TARBP1: variants seen among roughly 807,000 people sequenced by gnomAD.
The protein encoded by TARBP1 is tRNA (guanosine(18)-2'-O)-methyltransferase TARBP1.
TARBP1 carries 144 observed loss-of-function variants against 178.6 expected under a neutral mutation model. The ratio of observed to expected loss-of-function variants is 0.81; its 90% CI spans 0.70 to 0.93. TARBP1 has a LOEUF of 0.93. Among genes scored for constraint, TARBP1 ranks in the 40% least tolerant of loss-of-function variants. The pLI is 0.00. For missense variants in TARBP1, 2,067 were observed against 2,011.7 expected (o/e 1.03, Z -0.53); for synonymous variants, 787 against 781.0 (o/e 1.01, Z -0.13).
At chr1:234,418,856 T>G (rs1662727922) in intron 21 of TARBP1, among the ~76,000 whole-genome samples, 1 of 152,172 alleles carries the variant, frequency 6.6e-6, no homozygotes, top group South Asian at 2.1e-4. Flanking sequence ...AAAAACAATA[T>G]CTACTTATAT....
At position 234,448,582 on chromosome 1, in the gene TARBP1, T is replaced by C. The variant is rs1666419714; in HGVS notation, c.1862-3A>G. 1 of 1,612,588 alleles carries C rather than the reference T, an allele frequency of 6.2e-7. No homozygotes were observed. Among genetic ancestry groups the C allele is most frequent in the East Asian group, 2.2e-5 (1 of 44,846 alleles). On this transcript the variant is annotated splice_polypyrimidine_tract_variant and splice_region_variant and intron_variant, in intron 10 of 29. Coordinates refer to ENST00000040877, the MANE Select transcript of TARBP1 (RefSeq NM_005646.4). ...AGGCATAAAGCAGTTTTCTCCTGCT[T>C]AAATAACAACAGTTAAGGTTTGCAA...
In TARBP1 at chr1:234,450,451, T is replaced by C. The variant is rs1023705809; in HGVS notation, c.1838A>G (p.Tyr613Cys). The C allele has an allele frequency of 1.9e-6, 3 of 1,598,634 alleles. No homozygotes were observed. The South Asian group carries it at 3.4e-5, about 18-fold the overall frequency. Residue 613 changes from tyrosine to cysteine, a missense_variant, in exon 10 of 30, where the codon TAT becomes TGT. Transcript: ENST00000040877. ...NAYVKSIVQE[Y>C]VKSSAWETGE... is the part of the protein sequence containing the mutation. ...ACTTTCCCAAGCAGATGACTTAACA[T>C]ACTCTTGAACAATGCTCTTTACATA...
At chr1:234,398,302 T>A (rs1660342531) in intron 26 of TARBP1, 80 bp downstream of exon 26, 2 of 1,218,118 alleles carry the variant, frequency 1.6e-6, no homozygotes, top group Non-Finnish European at 2.2e-6. Context: ...TATTATTAAC[T>A]ACCTGTCCTT....
intron 9 of TARBP1, among the ~76,000 whole-genome samples, chr1:234,453,503 CTTTGT>C (rs1183600225): frequency 6.6e-6 from 1 of 151,628 alleles, no homozygotes; most frequent in East Asian, 1.9e-4. Flanking sequence ...ACTCTCTGCA[CTTTGT>C]TTAATTTTTC....
chr1:234,442,280 CTG>C (rs1297332490), intron 12 of TARBP1, among the ~76,000 whole-genome samples: 1 of 152,156 alleles, frequency 6.6e-6, no homozygotes, highest in Non-Finnish European at 1.5e-5. Context: ...GCAAAAGACA[CTG>C]TTGAGAAAAT....
chr1:234,427,511 T>C, intron 18 of TARBP1, 65 bp downstream of exon 18: 1 of 1,490,326 alleles, frequency 6.7e-7, no homozygotes, highest in Non-Finnish European at 9.0e-7. Flanking sequence ...AACAAAGACA[T>C]AATTCTATAC....
In TARBP1 at chr1:234,427,736, T is replaced by G; in HGVS notation, c.3091A>C (p.Ile1031Leu). The change falls in exon 18 of 30, where the codon ATA becomes CTA. Residue 1031 changes from isoleucine to leucine, a missense_variant. Ile to Leu is a conservative substitution (Grantham distance 5). Transcript: ENST00000040877. ...IMYKIIEMSA[I>L]KTGVFNTLIS... is the part of the protein sequence containing the mutation. ...AGTGTATTGAAGACTCCAGTCTTTA[T>G]AGCAGACATTTCAATTATCTTGTAC... The G allele has an allele frequency of 2.1e-6, 3 of 1,460,434 alleles. No homozygotes were observed. Among genetic ancestry groups the G allele is most frequent in the East Asian group, 2.6e-5 (1 of 39,092 alleles). The allele number at this position is 1,460,434 out of a possible 1,614,324, so 90.5% of individuals were successfully genotyped here.
At chr1:234,418,936 G>T (rs1181393859) in intron 21 of TARBP1, among the ~76,000 whole-genome samples, 1 of 152,212 alleles carries the variant, frequency 6.6e-6, no homozygotes, top group East Asian at 1.9e-4. Context: ...ACTTTGGGAG[G>T]CCGAGGCGGG....
At chr1:234,426,459 C>G (rs1311781798) in intron 19 of TARBP1, among the ~76,000 whole-genome samples, 1 of 152,056 alleles carries the variant, frequency 6.6e-6, no homozygotes, top group Non-Finnish European at 1.5e-5. Flanking sequence ...TATTGCCACA[C>G]TAAGCCAGCC....
At chr1:234,450,760 A>G (rs1344133367) in intron 9 of TARBP1, among the ~76,000 whole-genome samples, 194 bp from the exon 10 acceptor site, 1 of 149,412 alleles carries the variant, frequency 6.7e-6, no homozygotes. Context: ...ATATATATTT[A>G]TGTATGCGTA....
intron 6 of TARBP1, 128 bp from the exon 7 acceptor site, chr1:234,460,524 G>C: frequency 1.1e-6 from 1 of 936,882 alleles, no homozygotes; most frequent in Non-Finnish European, 1.6e-6. Flanking sequence ...CACTATGATG[G>C]CTATAATCTA....
chr1:234,425,008 C>A (rs573036952), intron 20 of TARBP1, among the ~76,000 whole-genome samples: 1 of 152,008 alleles, frequency 6.6e-6, no homozygotes, highest in East Asian at 1.9e-4. Context: ...TTGCAATGAG[C>A]CAAGATCGCA....
At chr1:234,468,415 C>T (rs1367749400) in intron 3 of TARBP1, among the ~76,000 whole-genome samples, 2 of 152,054 alleles carry the variant, frequency 1.3e-5, no homozygotes, top group East Asian at 3.9e-4. Context: ...TTAGAGTGAG[C>T]CCAGGCCCCG....
At chr1:234,476,345 C>CA (rs1669567540) in intron 1 of TARBP1, among the ~76,000 whole-genome samples, 1 of 152,024 alleles carries the variant, frequency 6.6e-6, no homozygotes, top group African/African-American at 2.4e-5. Flanking sequence ...GTGAGTAAAG[C>CA]AAAAAAGAGG....
rs1314762028 is a variant in TARBP1, at chr1:234,479,086, C to T, written c.18G>A (p.Ala6=). 3.9e-6 allele frequency: 6 copies of T among 1,538,386 alleles called. No individual in the cohort carries two copies. Among genetic ancestry groups the T allele is most frequent in the Admixed American group, 2.0e-5 (1 of 51,162 alleles). MEWVL[A]EALLSQSRDP... is the part of the protein sequence containing the mutation. Reference sequence around the variant, plus strand: ...CCCGGCTCTGCGAGAGCAGCGCTTCCGCGAGCACCCACTCCATTTGCCGAG... The same window carrying T: ...CCCGGCTCTGCGAGAGCAGCGCTTCTGCGAGCACCCACTCCATTTGCCGAG... Residue 6 remains alanine (A), a synonymous_variant, in exon 1 of 30, where the codon GCG becomes GCA. Coordinates refer to ENST00000040877, the MANE Select transcript of TARBP1 (RefSeq NM_005646.4).
rs753109789 is a variant in TARBP1 at position 234,433,444 on chromosome 1, G to T, written c.2360C>A (p.Ser787Tyr). Residue 787 changes from serine to tyrosine, a missense_variant, in exon 14 of 30, where the codon TCC becomes TAC. Coordinates refer to ENST00000040877, the MANE Select transcript of TARBP1 (RefSeq NM_005646.4). ...WRVISLLKNA[S>Y]IQHLQEMDSG... ...GTCCATCTCTTGAAGATGCTGAATG[G>T]ATGCATTTTTCAAAAGAGAAATAAC... is the stretch of plus-strand genomic sequence containing the variant. 6.2e-7 allele frequency: 1 copy of T among 1,613,990 alleles called. No individual in the cohort carries two copies. The highest frequency in any genetic ancestry group is 8.5e-7 in the Non-Finnish European group (1 of 1,179,990).
rs150679285 is a variant in TARBP1, at chr1:234,430,206, C to T, written c.2490G>A (p.Leu830=). ...EAIDQKPELQ[L]DSLHAGPLES... is the part of the protein sequence containing the mutation. The stretch of plus-strand genomic sequence containing the variant: ...CCAGGGGCCCAGCATGGAGAGAGTC[C>T]AGCTGCAGCTCAGGCTTCTGGTCTA... The change falls in exon 15 of 30, where the codon CTG becomes CTA. Residue 830 remains leucine, a synonymous_variant. Transcript: ENST00000040877. 5.5e-5 allele frequency: 88 copies of T among 1,614,220 alleles called. No homozygotes were observed. In the African/African-American group the frequency reaches 1.1e-3, roughly 20 times the overall value.
intron 22 of TARBP1, among the ~76,000 whole-genome samples, chr1:234,410,944 C>T (rs1661746380): frequency 6.6e-6 from 1 of 152,154 alleles, no homozygotes; most frequent in South Asian, 2.1e-4. Flanking sequence ...TGGTAGCGCA[C>T]ACCTGTAGTC....
rs1177235621 is a variant in TARBP1 at position 234,420,828 on chromosome 1, G to A, written c.3445-16C>T. On this transcript the variant is annotated splice_polypyrimidine_tract_variant and intron_variant, in intron 20 of 29. Coordinates refer to ENST00000040877, the MANE Select transcript of TARBP1 (RefSeq NM_005646.4). ...CTAATTCATCCTGGAAAGGAGAAGGGAGGGAGTCAACATTAAATTATCTAT... is the reference window on the plus strand; with the variant it reads ...CTAATTCATCCTGGAAAGGAGAAGGAAGGGAGTCAACATTAAATTATCTAT... The A allele has an allele frequency of 7.1e-7, 1 of 1,404,114 alleles. No homozygotes were observed. Among genetic ancestry groups the A allele is most frequent in the African/African-American group, 1.4e-5 (1 of 69,658 alleles). 87.0% of individuals were successfully genotyped at this position (1,404,114 alleles called of 1,614,324 possible). A position where few individuals can be genotyped will look rare whatever the true frequency, so the allele number is the denominator to read the frequency against.
Sources: gnomAD v4.1 joint callset for allele counts (sites outside exome capture counted in the v4.1 genomes callset) on GRCh38, gnomAD v4.1.1 for gene constraint, MANE v1.5 for transcripts, NCBI Gene and HGNC (gene_info 2026-07-23, HGNC 2026-07-21) for gene names.